The following STK32B variants were observed in gnomAD, a reference collection of about 807,000 sequenced individuals.
STK32B encodes serine/threonine-protein kinase 32B.
Under a neutral mutation model 52.6 loss-of-function variants are expected in STK32B, and 43 were observed. That is an observed-to-expected ratio of 0.82 (90% CI 0.64 to 1.05). The LOEUF (loss-of-function observed/expected upper bound fraction) is 1.05, where lower values mean the gene tolerates loss of function less well. Among genes scored for constraint, STK32B ranks in the 50% least tolerant of loss-of-function variants. STK32B has a pLI of 0.00. For synonymous variants in STK32B, 238 were observed against 204.3 expected (o/e 1.17, Z -1.41); for missense variants, 621 against 534.6 (o/e 1.16, Z -1.59).
chr4:5,193,575 G>C (rs1721403370), intron 3 of STK32B, among the ~76,000 whole-genome samples: 1 of 152,234 alleles, frequency 6.6e-6, no homozygotes, highest in Non-Finnish European at 1.5e-5. Flanking sequence ...TGTGCCAGTT[G>C]CTTCTCCTCC....
intron 5 of STK32B, among the ~76,000 whole-genome samples, chr4:5,413,523 A>G (rs1436279774): frequency 6.6e-6 from 1 of 152,236 alleles, no homozygotes; most frequent in African/African-American, 2.4e-5. Context: ...GTCCAAAGAC[A>G]AAGGATATCA....
At chr4:5,316,858 ATATTATATATTATATATAATATATT>A (rs1730900137) in intron 3 of STK32B, among the ~76,000 whole-genome samples, 1 of 6,782 alleles carries the variant, frequency 1.5e-4, no homozygotes, top group Non-Finnish European at 1.9e-4. Context: ...TATATTATAT[ATATTATATATTATATATAATATATT>A]ATATATATTA....
Position 5,468,121 on chromosome 4 carries a change from A to G in STK32B, c.1106+51A>G, listed in dbSNP as rs369060591. On this transcript the variant is annotated intron_variant, in intron 11 of 11. Transcript: ENST00000282908. ...GGGCAAAGCCTGTCCTAAGTGACCC[A>G]AGGTCCTCCTGGCAGAATCACAGTC... The G allele has an allele frequency of 4.3e-5, 68 of 1,592,326 alleles. No individual in the cohort carries two copies. In the Middle Eastern group the frequency reaches 1.4e-3, roughly 32 times the overall value.
At chr4:5,356,734 C>T (rs1186675510) in intron 4 of STK32B, among the ~76,000 whole-genome samples, 5 of 152,152 alleles carry the variant, frequency 3.3e-5, no homozygotes, top group Non-Finnish European at 5.9e-5. Flanking sequence ...CGGTGGCTCA[C>T]GCCTGTAATC....
At chr4:5,117,349 T>C (rs1714785695) in intron 1 of STK32B, among the ~76,000 whole-genome samples, 1 of 152,238 alleles carries the variant, frequency 6.6e-6, no homozygotes, top group Non-Finnish European at 1.5e-5. Context: ...TTTATAAGAA[T>C]GTTGACTTGT....
chr4:5,217,863 T>A (rs1321248153), intron 3 of STK32B, among the ~76,000 whole-genome samples: 1 of 152,186 alleles, frequency 6.6e-6, no homozygotes, highest in Non-Finnish European at 1.5e-5. Flanking sequence ...TCTTGTTTAT[T>A]GAGAAAATTA....
intron 6 of STK32B, 21 bp from the exon 7 acceptor site, chr4:5,446,652 T>A (rs1449866801): frequency 6.2e-7 from 1 of 1,610,590 alleles, no homozygotes; most frequent in South Asian, 1.1e-5. Context: ...AATGATGTTC[T>A]CCTTGTCCTC....
At chr4:5,144,784 TCATCCATCCATCCATCCATCCATC>T (rs112099943) in intron 2 of STK32B, among the ~76,000 whole-genome samples, 6 of 95,618 alleles carry the variant, frequency 6.3e-5, no homozygotes, top group Non-Finnish European at 1.3e-4. Context: ...ACTCATTCAC[TCATCCATCCATCCATCCATCCATC>T]CATCCATCCA....
intron 3 of STK32B, among the ~76,000 whole-genome samples, chr4:5,231,927 G>C (rs142958188): frequency 6.6e-6 from 1 of 152,170 alleles, no homozygotes; most frequent in Non-Finnish European, 1.5e-5. Flanking sequence ...GAGAAAGAGA[G>C]GACAAAGATA....
intron 3 of STK32B, among the ~76,000 whole-genome samples, chr4:5,302,457 A>G (rs867581962): frequency 2.3e-4 from 35 of 152,220 alleles, no homozygotes; most frequent in Middle Eastern, 3.4e-3. Flanking sequence ...TACATTGTAC[A>G]TTTAGATCTA....
At chr4:5,260,318 C>T (rs528695812) in intron 3 of STK32B, among the ~76,000 whole-genome samples, 2 of 152,280 alleles carry the variant, frequency 1.3e-5, no homozygotes, top group African/African-American at 4.8e-5. Flanking sequence ...ATTTGCTCAG[C>T]TTATGACACA....
chr4:5,184,557 G>A (rs1011803470), intron 3 of STK32B, among the ~76,000 whole-genome samples: 7 of 151,776 alleles, frequency 4.6e-5, no homozygotes, highest in African/African-American at 1.7e-4. Flanking sequence ...GCGTGGTGGT[G>A]CATGCCTGTA....
At chr4:5,231,489 G>A (rs1395825269) in intron 3 of STK32B, among the ~76,000 whole-genome samples, 6 of 152,076 alleles carry the variant, frequency 3.9e-5, no homozygotes, top group Non-Finnish European at 7.4e-5. Context: ...GTGCACACCT[G>A]TAATCCCAGC....
rs191732001 is a variant in STK32B at position 5,244,269 on chromosome 4, A to G, written c.260+75819A>G. On this transcript the variant is annotated intron_variant, in intron 3 of 11. Coordinates refer to ENST00000282908, the MANE Select transcript of STK32B (RefSeq NM_018401.3). Reference sequence around the variant, plus strand: ...AATTTCAGAGCCTGTTTATTGGTCTATTCAGAGATTCAACTTCTTCCTGGT... The same window carrying G: ...AATTTCAGAGCCTGTTTATTGGTCTGTTCAGAGATTCAACTTCTTCCTGGT... Among the ~76,000 whole-genome samples, 257 of 152,312 alleles carry G rather than the reference A, an allele frequency of 1.7e-3. 3 individuals carry two copies. Among genetic ancestry groups the G allele is most frequent in the South Asian group, 8.3e-4 (4 of 4,826 alleles).
At chr4:5,483,096 A>C (rs10032560) in intron 11 of STK32B, among the ~76,000 whole-genome samples, 3,926 of 149,246 alleles carry the variant, frequency 0.026, 157 homozygotes, top group African/African-American at 0.092. Context: ...ATGATGCTGG[A>C]CTCATAAAAT....
chr4:5,493,564 G>C (rs540569644), intron 11 of STK32B, among the ~76,000 whole-genome samples: 1 of 151,980 alleles, frequency 6.6e-6, no homozygotes, highest in Non-Finnish European at 1.5e-5. Flanking sequence ...GGGTTTTTTT[G>C]TGTCTCTATT....
intron 3 of STK32B, among the ~76,000 whole-genome samples, chr4:5,210,406 G>A (rs755854104): frequency 1.8e-4 from 27 of 151,914 alleles, no homozygotes; most frequent in Non-Finnish European, 2.8e-4. Flanking sequence ...GTCCCTTTTC[G>A]TCCATCCATC....
chr4:5,432,224 GC>G (rs1713648436), intron 6 of STK32B: 1 of 152,198 alleles, frequency 6.6e-6, no homozygotes, highest in Non-Finnish European at 1.5e-5. Flanking sequence ...GAGATTCAAA[GC>G]CAGAACTCTG....
At chr4:5,087,011 G>A (rs949549180) in intron 1 of STK32B, among the ~76,000 whole-genome samples, 1 of 152,118 alleles carries the variant, frequency 6.6e-6, no homozygotes, top group African/African-American at 2.4e-5. Context: ...AAGAACACCA[G>A]TAAAGTTAAC....
Sources: allele counts gnomAD v4.1 joint callset (sites outside exome capture counted in the v4.1 genomes callset), GRCh38; gene constraint gnomAD v4.1.1; transcripts MANE v1.5; gene names NCBI Gene and HGNC (gene_info 2026-07-23, HGNC 2026-07-21).